Variants in MAS1 observed in about 807,000 individuals in gnomAD.
MAS1 encodes proto-oncogene Mas.
For missense variants in MAS1, 387 were observed against 409.7 expected (o/e 0.94, Z 0.48); for synonymous variants, 163 against 164.2 (o/e 0.99, Z 0.05).
Position 159,908,177 on chromosome 6 carries a change from C to A in MAS1, c.*244C>A. The A allele has an allele frequency of 2.7e-6, 1 of 364,958 alleles. No individual in the cohort carries two copies. The highest frequency in any genetic ancestry group is 4.9e-6 in the Non-Finnish European group (1 of 204,992). The allele number at this position is 364,958 out of a possible 1,614,324, so 22.6% of individuals were successfully genotyped here. A position where few individuals can be genotyped will look rare whatever the true frequency, so the allele number is the denominator to read the frequency against. The stretch of plus-strand genomic sequence containing the variant: ...CTTTTGGCAGCATCTTACCATGAAC[C>A]ATAAAAATGACTTTTGCAGGAAGAT... On this transcript the variant is annotated 3_prime_UTR_variant, in exon 3 of 3. Coordinates refer to ENST00000674077, the MANE Select transcript of MAS1 (RefSeq NM_002377.4).
rs537095267 is a variant in MAS1 at position 159,901,021 on chromosome 6, G to C, written c.-37+1629G>C. On this transcript the variant is annotated intron_variant, in intron 2 of 2. Transcript: ENST00000674077. ...GCCAGAAGTCCAAGATCGAGGCACC[G>C]TCAGGGCTGGTCTGGTGAGGGCTTT... Among the ~76,000 whole-genome samples the C allele has an allele frequency of 7.4e-4, 112 of 152,298 alleles. 2 individuals are homozygous for C. Among genetic ancestry groups the C allele is most frequent in the African/African-American group, 2.6e-3 (106 of 41,560 alleles).
Position 159,906,908 on chromosome 6 carries a change from A to G in MAS1, c.-36-12A>G. 5.2e-6 allele frequency: 8 copies of G among 1,527,086 alleles called. No homozygotes were observed. The highest frequency in any genetic ancestry group is 7.1e-6 in the Non-Finnish European group (8 of 1,133,904). 94.6% of individuals were successfully genotyped at this position (1,527,086 alleles called of 1,614,324 possible). On this transcript the variant is annotated splice_polypyrimidine_tract_variant and intron_variant, in intron 2 of 2. Coordinates refer to ENST00000674077, the MANE Select transcript of MAS1 (RefSeq NM_002377.4). ...GCTTTTTGTGTTTGTTTTGTTCTGG[A>G]CATATTTACAGAAAATTACCTGAAG... is the stretch of plus-strand genomic sequence containing the variant.
In MAS1 at chr6:159,907,474, C is replaced by T. The variant is rs1465197162; in HGVS notation, c.519C>T (p.Asp173=). 10 of 1,614,006 alleles carry T rather than the reference C, an allele frequency of 6.2e-6. No individual in the cohort carries two copies. Among genetic ancestry groups the T allele is most frequent in the Non-Finnish European group, 8.5e-6 (10 of 1,180,032 alleles). The change falls in exon 3 of 3, where the codon GAC becomes GAT. Residue 173 remains aspartate, a synonymous_variant. Coordinates refer to ENST00000674077, the MANE Select transcript of MAS1 (RefSeq NM_002377.4). Reference sequence around the variant, plus strand: ...CCATGGAGTATGTCATGTGCATCGACAGAGAAGAAGAGAGTCACTCTCGGA... The same window carrying T: ...CCATGGAGTATGTCATGTGCATCGATAGAGAAGAAGAGAGTCACTCTCGGA... ...VTTMEYVMCI[D]REEESHSRND...
chr6:159,909,091 A>G lies in MAS1; in HGVS notation c.*1158A>G, dbSNP rs1782935510. The G allele has an allele frequency of 6.6e-6, 1 of 151,466 alleles. No individual in the cohort carries two copies. Among genetic ancestry groups the G allele is most frequent in the Non-Finnish European group, 1.5e-5 (1 of 67,952 alleles). The allele number at this position is 151,466 out of a possible 1,614,324, so 9.4% of individuals were successfully genotyped here. A position where few individuals can be genotyped will look rare whatever the true frequency, so the allele number is the denominator to read the frequency against. On this transcript the variant is annotated 3_prime_UTR_variant, in exon 3 of 3. Coordinates refer to ENST00000674077, the MANE Select transcript of MAS1 (RefSeq NM_002377.4). ...TTTGCTCATGACAGATCCTTGCATG[A>G]CTTCCTCAGAATCTTTACTCAGCAC...
At chr6:159,898,481 A>G (rs1231556670) in intron 1 of MAS1, among the ~76,000 whole-genome samples, 1 of 149,006 alleles carries the variant, frequency 6.7e-6, no homozygotes, top group African/African-American at 2.5e-5. Context: ...TAGAACAGTG[A>G]TTTCCAGACT....
In MAS1 at chr6:159,910,961, TTA is replaced by T. The variant is rs1782958358; in HGVS notation, c.*3030_*3031del. On this transcript the variant is annotated 3_prime_UTR_variant, in exon 3 of 3. Transcript: ENST00000674077. Reference sequence around the variant, plus strand: ...TTTAATACCCACAGTCTTCCTGAAATTATCTCTTTTCTTGGATTCTAGTTTGC... The same window carrying T: ...TTTAATACCCACAGTCTTCCTGAAATTCTCTTTTCTTGGATTCTAGTTTGC... 6.6e-6 allele frequency: 1 copy of T among 152,214 alleles called. No homozygotes were observed. The highest frequency in any genetic ancestry group is 1.9e-4 in the East Asian group (1 of 5,202). 9.4% of individuals were successfully genotyped at this position (152,214 alleles called of 1,614,324 possible).
At chr6:159,901,456 A>G (rs1782820932) in intron 2 of MAS1, among the ~76,000 whole-genome samples, 2 of 152,150 alleles carry the variant, frequency 1.3e-5, no homozygotes, top group Admixed American at 6.5e-5. Flanking sequence ...AAAATTAGCC[A>G]GGTGTGATGG....
intron 1 of MAS1, among the ~76,000 whole-genome samples, chr6:159,897,184 G>A (rs1583211155): frequency 6.6e-6 from 1 of 151,924 alleles, no homozygotes; most frequent in Admixed American, 6.6e-5. Flanking sequence ...GGAGACTGGG[G>A]TTTTTTTTAA....
chr6:159,903,961 C>A (rs1782852473), intron 2 of MAS1, among the ~76,000 whole-genome samples: 1 of 152,286 alleles, frequency 6.6e-6, no homozygotes, highest in African/African-American at 2.4e-5. Context: ...AGCAATGGCT[C>A]CACTCCCATG....
At chr6:159,905,715 A>G (rs1427057874) in intron 2 of MAS1, among the ~76,000 whole-genome samples, 1 of 152,202 alleles carries the variant, frequency 6.6e-6, no homozygotes, top group African/African-American at 2.4e-5. Flanking sequence ...AGGTGAGCTC[A>G]GGAGGAAAAG....
rs749189737 is a variant in MAS1 at position 159,907,408 on chromosome 6, G to T, written c.453G>T (p.Leu151Phe). 2.5e-6 allele frequency: 4 copies of T among 1,614,082 alleles called. No homozygotes were observed. Among genetic ancestry groups the T allele is most frequent in the Admixed American group, 3.3e-5 (2 of 60,014 alleles). Reference protein sequence around the residue: ...RCHRPKYQSALVCALLWALSC... With the variant: ...RCHRPKYQSAFVCALLWALSC... The stretch of plus-strand genomic sequence containing the variant: ...ATCGCCCCAAGTACCAGTCGGCATT[G>T]GTCTGTGCCCTTCTGTGGGCTCTTT... The change falls in exon 3 of 3, where the codon TTG becomes TTT. Residue 151 changes from leucine (L) to phenylalanine (F), a missense_variant. Leu to Phe is a conservative substitution (Grantham distance 22). Coordinates refer to ENST00000674077, the MANE Select transcript of MAS1 (RefSeq NM_002377.4).
Position 159,916,098 on chromosome 6 carries a change from A to G in MAS1, c.*8165A>G, listed in dbSNP as rs1475152261. The G allele has an allele frequency of 1.3e-5, 2 of 152,250 alleles. No individual in the cohort carries two copies. The highest frequency in any genetic ancestry group is 1.9e-4 in the East Asian group (1 of 5,200). 9.4% of individuals were successfully genotyped at this position (152,250 alleles called of 1,614,324 possible). A position where few individuals can be genotyped will look rare whatever the true frequency, so the allele number is the denominator to read the frequency against. ...GGGCTGACCAATGGCATCTGCTATC[A>G]TGGAATTAAAGTAACCTACCCCACG... On this transcript the variant is annotated 3_prime_UTR_variant, in exon 3 of 3. Coordinates refer to ENST00000674077, the MANE Select transcript of MAS1 (RefSeq NM_002377.4).
rs764479610 is a variant in MAS1, at chr6:159,907,585, G to A, written c.630G>A (p.Leu210=). The A allele has an allele frequency of 6.2e-7, 1 of 1,613,928 alleles. No individual in the cohort carries two copies. The highest frequency in any genetic ancestry group is 8.5e-7 in the Non-Finnish European group (1 of 1,180,012). Residue 210 remains leucine, a synonymous_variant, in exon 3 of 3, where the codon TTG becomes TTA. Coordinates refer to ENST00000674077, the MANE Select transcript of MAS1 (RefSeq NM_002377.4). ...TCATGCTGGTGTCCAGCACCATCTT[G>A]GTCGTGAAGATCCGGAAGAACACGT... The part of the protein sequence containing the change: ...TPLMLVSSTI[L]VVKIRKNTWA...
At chr6:159,904,201 C>A (rs1395583960) in intron 2 of MAS1, among the ~76,000 whole-genome samples, 1 of 152,136 alleles carries the variant, frequency 6.6e-6, no homozygotes, top group African/African-American at 2.4e-5. Context: ...CCTTGAATGT[C>A]TTCTCCTTTT....
chr6:159,906,759 A>G, intron 2 of MAS1, 161 bp from the exon 3 acceptor site: 1 of 579,418 alleles, frequency 1.7e-6, no homozygotes. Context: ...TCAGGTCCTA[A>G]AGGCCTAATC....
intron 1 of MAS1, among the ~76,000 whole-genome samples, chr6:159,896,965 T>C (rs1233248811): frequency 5.3e-5 from 8 of 152,066 alleles, no homozygotes; most frequent in African/African-American, 1.4e-4. Context: ...GCTCCGCCTC[T>C]CGGGTTCACG....
intron 2 of MAS1, among the ~76,000 whole-genome samples, chr6:159,906,143 G>GA (rs71852713): frequency 6.6e-6 from 1 of 151,748 alleles, no homozygotes; most frequent in African/African-American, 2.4e-5. Context: ...ACACAAACTA[G>GA]AAAAAAAAAT....
intron 1 of MAS1, among the ~76,000 whole-genome samples, chr6:159,891,818 A>G (rs1419852154): frequency 6.6e-6 from 1 of 152,168 alleles, no homozygotes; most frequent in Non-Finnish European, 1.5e-5. Flanking sequence ...GTGTTGTTAG[A>G]TTGCTATGGG....
intron 1 of MAS1, among the ~76,000 whole-genome samples, chr6:159,894,914 T>G (rs1399937600): frequency 6.6e-6 from 1 of 152,208 alleles, no homozygotes; most frequent in East Asian, 1.9e-4. Context: ...CATTCCTGTG[T>G]GTTTGTGTTG....
Sources: allele counts gnomAD v4.1 joint callset (sites outside exome capture counted in the v4.1 genomes callset), GRCh38; gene constraint gnomAD v4.1.1; transcripts MANE v1.5; gene names NCBI Gene and HGNC (gene_info 2026-07-23, HGNC 2026-07-21).